The following KTN1 variants were observed in gnomAD, a reference collection of about 807,000 sequenced individuals.
KTN1 encodes the protein kinectin.
KTN1 carries 130 observed loss-of-function variants against 222.5 expected under a neutral mutation model. The ratio of observed to expected loss-of-function variants is 0.58; its 90% confidence interval spans 0.51 to 0.68. The LOEUF (loss-of-function observed/expected upper bound fraction) is 0.68. Among genes scored for constraint, KTN1 ranks in the 30% least tolerant of loss-of-function variants. KTN1 has a pLI of 0.00. For missense variants in KTN1, 1,508 were observed against 1,500.4 expected (o/e 1.01, Z -0.08); for synonymous variants, 512 against 496.3 (o/e 1.03, Z -0.42).
intron 30 of KTN1, 34 bp downstream of exon 30, chr14:55,658,648 C>G (rs74053651): frequency 1.5e-6 from 2 of 1,368,018 alleles, no homozygotes; most frequent in Non-Finnish European, 2.0e-6. Context: ...CTTTCACTTA[C>G]GTGGCAAAAA....
At chr14:55,600,390 A>C (rs1566679507) in intron 1 of KTN1, among the ~76,000 whole-genome samples, 3 of 152,110 alleles carry the variant, frequency 2.0e-5, no homozygotes, top group African/African-American at 7.2e-5. Context: ...TATTAAGACT[A>C]CCCTGTGGTA....
intron 7 of KTN1, 51 bp from the exon 8 acceptor site, chr14:55,633,184 A>C: frequency 2.1e-6 from 2 of 950,932 alleles, no homozygotes; most frequent in Non-Finnish European, 3.1e-6. Flanking sequence ...TTTAAAAGTT[A>C]GCTTTGACAG....
At chr14:55,596,154 CAAAAAAAAA>C (rs71448460) in intron 1 of KTN1, among the ~76,000 whole-genome samples, 1 of 61,132 alleles carries the variant, frequency 1.6e-5, no homozygotes, top group African/African-American at 6.8e-5. Flanking sequence ...GACTCAATAG[CAAAAAAAAA>C]AAAAAAAAAA....
At position 55,678,346 on chromosome 14, in the gene KTN1, T is replaced by C; in HGVS notation, c.3856-6T>C. 6.4e-7 allele frequency: 1 copy of C among 1,569,350 alleles called. No individual in the cohort carries two copies. Among genetic ancestry groups the C allele is most frequent in the Non-Finnish European group, 8.8e-7 (1 of 1,139,416 alleles). On this transcript the variant is annotated splice_region_variant and splice_polypyrimidine_tract_variant and intron_variant, in intron 41 of 43. Transcript: ENST00000395314. ...CTTAGTAGCTACCATATTGTTTTCC[T>C]TATAGGCTCAACAGTCACTGGAGCT...
In KTN1 at chr14:55,580,261, C is replaced by T. The variant is rs2030990442; in HGVS notation, c.-124C>T. ...GACGGCACCTGAGCGACTGCGGCGG[C>T]GGCGGCGGCGGCGGCGGCGCCTCGG... On this transcript the variant is annotated 5_prime_UTR_variant, in exon 1 of 44. Coordinates refer to ENST00000395314, the MANE Select transcript of KTN1 (RefSeq NM_001079521.2). 1.3e-5 allele frequency: 2 copies of T among 154,258 alleles called. No homozygotes were observed. The highest frequency in any genetic ancestry group is 2.9e-3 in the Middle Eastern group (1 of 340). The allele number at this position is 154,258 out of a possible 1,614,324, so 9.6% of individuals were successfully genotyped here.
At chr14:55,650,473 T>C (rs2042826751) in intron 23 of KTN1, 55 bp downstream of exon 23, 4 of 1,511,420 alleles carry the variant, frequency 2.6e-6, no homozygotes, top group Non-Finnish European at 3.7e-6. Flanking sequence ...CTTTAGTTAA[T>C]ATCATTTAAT....
At chr14:55,637,731 G>A (rs1429987065) in intron 11 of KTN1, 48 bp from the exon 12 acceptor site, 15 of 1,346,378 alleles carry the variant, frequency 1.1e-5, no homozygotes, top group Non-Finnish European at 1.6e-5. Context: ...TATACATGGG[G>A]TTATTTATTA....
rs2043762932 is a variant in KTN1, at chr14:55,658,611, A to G, written c.2958A>G (p.Gln986=). 2 of 1,596,746 alleles carry G rather than the reference A, an allele frequency of 1.3e-6. No homozygotes were observed. The highest frequency in any genetic ancestry group is 2.7e-5 in the African/African-American group (2 of 74,492). ...QIEQLKQQNY[Q]QASSFPPHEE... ...AGCAGCTTAAACAACAAAACTACCA[A>G]CAGGTAGGTATTATTAGATGTCTTG... is the stretch of plus-strand genomic sequence containing the variant. The change falls in exon 30 of 44, where the codon CAA becomes CAG. Residue 986 remains glutamine, a synonymous_variant. Coordinates refer to ENST00000395314, the MANE Select transcript of KTN1 (RefSeq NM_001079521.2).
Position 55,612,292 on chromosome 14 carries a change from C to T in KTN1, c.244C>T (p.Arg82Ter), listed in dbSNP as rs1192477049. 3 of 1,612,978 alleles carry T rather than the reference C, an allele frequency of 1.9e-6. No individual in the cohort carries two copies. Among genetic ancestry groups the T allele is most frequent in the Non-Finnish European group, 1.7e-6 (2 of 1,179,826 alleles). The change falls in exon 2 of 44, where the codon CGA (arginine) becomes TGA (stop). Residue 82 changes from arginine to a stop codon, truncating the protein, a stop_gained. Coordinates refer to ENST00000395314, the MANE Select transcript of KTN1 (RefSeq NM_001079521.2). LOFTEE classifies it high-confidence loss of function. ...TGAATCCGACTCTGAGAGTGTACCT[C>T]GAGACTTTAAATTATCAGATGCTTT... ...LHESDSESVP[R>*]DFKLSDALAV...
At position 55,672,669 on chromosome 14, in the gene KTN1, C is replaced by A; in HGVS notation, c.3571C>A (p.Arg1191=). 1 of 1,605,876 alleles carries A rather than the reference C, an allele frequency of 6.2e-7. No homozygotes were observed. Among genetic ancestry groups the A allele is most frequent in the Non-Finnish European group, 8.5e-7 (1 of 1,173,220 alleles). Residue 1191 remains arginine (R), a synonymous_variant, in exon 38 of 44, where the codon CGA becomes AGA. Transcript: ENST00000395314. Reference sequence around the variant, plus strand: ...TACATCTTCAGAACAAGAGCTAGAGCGATTAAGAAGCGAAAATAAGGATAT... The same window carrying A: ...TACATCTTCAGAACAAGAGCTAGAGAGATTAAGAAGCGAAAATAAGGATAT... ...SFTSSEQELE[R]LRSENKDIEN... is the part of the protein sequence containing the mutation.
At chr14:55,606,246 A>G (rs1429613605) in intron 1 of KTN1, among the ~76,000 whole-genome samples, 1 of 152,164 alleles carries the variant, frequency 6.6e-6, no homozygotes, top group African/African-American at 2.4e-5. Context: ...TTAAAGGTGT[A>G]TTCATTTAGT....
intron 2 of KTN1, among the ~76,000 whole-genome samples, chr14:55,613,762 C>T (rs533704914): frequency 1.3e-3 from 191 of 152,204 alleles, no homozygotes; most frequent in African/African-American, 4.4e-3. Context: ...AGCCACCACG[C>T]TTGACCCGGT....
intron 18 of KTN1, among the ~76,000 whole-genome samples, chr14:55,646,301 T>C (rs1223519419): frequency 1.3e-5 from 2 of 152,188 alleles, no homozygotes; most frequent in African/African-American, 2.4e-5. Flanking sequence ...CAAAATTCAC[T>C]GAGCTGTGAA....
At chr14:55,640,106 C>G in intron 14 of KTN1, 103 bp downstream of exon 14, 3 of 767,864 alleles carry the variant, frequency 3.9e-6, no homozygotes, top group Non-Finnish European at 6.6e-6. Context: ...GGAAAATAGT[C>G]TAGAATTCAT....
At chr14:55,606,963 G>A (rs771375172) in intron 1 of KTN1, among the ~76,000 whole-genome samples, 7 of 152,156 alleles carry the variant, frequency 4.6e-5, no homozygotes, top group African/African-American at 1.7e-4. Flanking sequence ...TGTGTGATGT[G>A]TCTTCACATG....
Position 55,671,852 on chromosome 14 carries a change from A to T in KTN1, c.3506A>T (p.Asp1169Val), listed in dbSNP as rs555303094. Residue 1169 changes from aspartate to valine, a missense_variant, in exon 37 of 44, where the codon GAT (aspartate) becomes GTT (valine). Physicochemically the swap from Asp to Val is radical, Grantham distance 152. Coordinates refer to ENST00000395314, the MANE Select transcript of KTN1 (RefSeq NM_001079521.2). Reference protein sequence around the residue: ...QEENKWKVKVDESHKTIKQMQ... With the variant: ...QEENKWKVKVVESHKTIKQMQ... Reference sequence around the variant, plus strand: ...GAAAATAAATGGAAAGTTAAGGTCGATGAATCACACAAGACTATTAAACAG... The same window carrying T: ...GAAAATAAATGGAAAGTTAAGGTCGTTGAATCACACAAGACTATTAAACAG... The T allele has an allele frequency of 5.1e-5, 81 of 1,601,528 alleles. No individual in the cohort carries two copies. The highest frequency in any genetic ancestry group is 6.6e-5 in the Non-Finnish European group (77 of 1,168,834).
rs1056576223 is a variant in KTN1, at chr14:55,680,568, A to G, written c.4069+883A>G. ...AACTCATCACTGAATTATCCCTTTC[A>G]GAACCCCTGATAATACTGTGTTGGG... On this transcript the variant is annotated intron_variant, in intron 43 of 43. Transcript: ENST00000395314. The G allele has an allele frequency of 1.4e-4, 77 of 550,220 alleles. 1 individual carries two copies. In the Middle Eastern group the frequency reaches 4.4e-3, roughly 31 times the overall value. 34.1% of individuals were successfully genotyped at this position (550,220 alleles called of 1,614,324 possible).
intron 22 of KTN1, among the ~76,000 whole-genome samples, chr14:55,650,017 A>C (rs919322808): frequency 2.6e-5 from 4 of 151,742 alleles, no homozygotes; most frequent in South Asian, 2.1e-4. Context: ...ACAAAAAAAA[A>C]CTATTTCCAG....
intron 1 of KTN1, among the ~76,000 whole-genome samples, chr14:55,593,306 T>A (rs1351726994): frequency 6.6e-6 from 1 of 152,172 alleles, no homozygotes; most frequent in Non-Finnish European, 1.5e-5. Flanking sequence ...TTAAATTTCT[T>A]GCTATGTTTT....
Sources: gnomAD v4.1 joint callset for allele counts (sites outside exome capture counted in the v4.1 genomes callset) on GRCh38, gnomAD v4.1.1 for gene constraint, MANE v1.5 for transcripts, NCBI Gene and HGNC (gene_info 2026-07-23, HGNC 2026-07-21) for gene names.